DLC1: variants seen among roughly 807,000 people sequenced by gnomAD.
DLC1 encodes the protein DLC1 Rho GTPase activating protein.
DLC1 carries 54 observed loss-of-function variants against 140.3 expected under a neutral mutation model. The ratio of observed to expected loss-of-function variants is 0.38; its 90% CI spans 0.31 to 0.48. The LOEUF (loss-of-function observed/expected upper bound fraction) is 0.48. DLC1 is among the 20% of genes least tolerant of loss of function. The pLI is 0.96. For synonymous variants in DLC1, 986 were observed against 728.1 expected (o/e 1.35, Z -5.70); for missense variants, 2,536 against 1,907.0 (o/e 1.33, Z -6.14).
At chr8:13,537,559 G>C (rs765571497) in intron 1 of DLC1, among the ~76,000 whole-genome samples, 1 of 151,874 alleles carries the variant, frequency 6.6e-6, no homozygotes, top group Non-Finnish European at 1.5e-5. Context: ...TTAGGTAAAG[G>C]ATCAGTGCAG....
At chr8:13,406,335 C>A (rs932017046) in intron 2 of DLC1, among the ~76,000 whole-genome samples, 2 of 151,844 alleles carry the variant, frequency 1.3e-5, no homozygotes, top group Non-Finnish European at 2.9e-5. Flanking sequence ...GTTCTTTAAA[C>A]TTTTATTTAG....
chr8:13,586,944 A>G (rs1198924001), intron 1 of DLC1, among the ~76,000 whole-genome samples: 1 of 152,172 alleles, frequency 6.6e-6, no homozygotes, highest in African/African-American at 2.4e-5. Context: ...CAGGTGCCTC[A>G]ATATAATAAT....
At chr8:13,370,508 C>A (rs1835681045) in intron 4 of DLC1, among the ~76,000 whole-genome samples, 1 of 152,112 alleles carries the variant, frequency 6.6e-6, no homozygotes, top group Non-Finnish European at 1.5e-5. Flanking sequence ...GAGCTCCACA[C>A]AGAGATATTT....
chr8:13,180,996 A>G (rs960740571), intron 5 of DLC1, among the ~76,000 whole-genome samples: 1 of 151,604 alleles, frequency 6.6e-6, no homozygotes, highest in Non-Finnish European at 1.5e-5. Flanking sequence ...TCTGTTGAAG[A>G]TATCTATTTT....
chr8:13,172,946 A>G (rs1375585469), intron 5 of DLC1, among the ~76,000 whole-genome samples: 1 of 152,136 alleles, frequency 6.6e-6, no homozygotes, highest in Non-Finnish European at 1.5e-5. Context: ...ACAGACCCTT[A>G]CTGGGTAACC....
chr8:13,451,471 C>G (rs888506598), intron 2 of DLC1, among the ~76,000 whole-genome samples: 1 of 152,134 alleles, frequency 6.6e-6, no homozygotes, highest in Non-Finnish European at 1.5e-5. Flanking sequence ...CTTATTCATT[C>G]TATTTTTTAT....
At chr8:13,176,106 C>CT (rs1229187408) in intron 5 of DLC1, among the ~76,000 whole-genome samples, 6 of 152,100 alleles carry the variant, frequency 3.9e-5, no homozygotes, top group Non-Finnish European at 8.8e-5. Flanking sequence ...ATATAAACTT[C>CT]TTTTTTTATT....
intron 4 of DLC1, among the ~76,000 whole-genome samples, chr8:13,389,727 C>A (rs986513139): frequency 6.6e-6 from 1 of 151,966 alleles, no homozygotes; most frequent in Non-Finnish European, 1.5e-5. Flanking sequence ...CACTTAGAAA[C>A]CCAGAGACCT....
chr8:13,125,188 G>A (rs550040165), intron 5 of DLC1, among the ~76,000 whole-genome samples: 9 of 152,138 alleles, frequency 5.9e-5, no homozygotes, highest in Non-Finnish European at 1.0e-4. Context: ...TGTTGGCCAG[G>A]CTGGTCTCAA....
Position 13,587,568 on chromosome 8 carries a change from CAG to C in DLC1, c.-126+16967_-126+16968del, listed in dbSNP as rs71519975. Reference sequence around the variant, plus strand: ...ATACACACACACACACACACACACACAGAGAGAGAGAAAATATATATATATAT... The same window carrying C: ...ATACACACACACACACACACACACACAGAGAGAGAAAATATATATATATAT... On this transcript the variant is annotated intron_variant, in intron 1 of 1. Transcript: ENST00000631382. 5.2e-3 allele frequency among the ~76,000 whole-genome samples: 751 copies of C among 144,268 alleles called. 4 individuals carry two copies. Among genetic ancestry groups the C allele is most frequent in the Non-Finnish European group, 6.7e-3 (441 of 66,128 alleles). 94.6% of individuals were successfully genotyped at this position (144,268 alleles called of 152,430 possible). A position where few individuals can be genotyped will look rare whatever the true frequency, so the allele number is the denominator to read the frequency against.
At chr8:13,211,492 C>G (rs945263558) in intron 5 of DLC1, among the ~76,000 whole-genome samples, 3 of 152,200 alleles carry the variant, frequency 2.0e-5, no homozygotes, top group Non-Finnish European at 4.4e-5. Flanking sequence ...GCCAAAAACC[C>G]TCTGAGGCTA....
chr8:13,144,235 G>T (rs1823248202), intron 5 of DLC1, among the ~76,000 whole-genome samples: 1 of 152,176 alleles, frequency 6.6e-6, no homozygotes, highest in Admixed American at 6.5e-5. Context: ...TCACCATCTT[G>T]TCATGTCCTT....
At chr8:13,542,076 G>C (rs996668509) in intron 1 of DLC1, among the ~76,000 whole-genome samples, 3 of 152,134 alleles carry the variant, frequency 2.0e-5, no homozygotes, top group African/African-American at 4.8e-5. Flanking sequence ...TTGCAGTCCA[G>C]TTTAACATTT....
intron 2 of DLC1, among the ~76,000 whole-genome samples, chr8:13,490,874 G>A (rs995613143): frequency 1.3e-5 from 2 of 151,722 alleles, no homozygotes; most frequent in Non-Finnish European, 2.9e-5. Flanking sequence ...TCAAATCACT[G>A]ATTAGATCAG....
intron 1 of DLC1, among the ~76,000 whole-genome samples, chr8:13,537,646 C>G (rs907898847): frequency 2.3e-5 from 3 of 131,142 alleles, no homozygotes; most frequent in Admixed American, 7.9e-5. Flanking sequence ...CAACAGCTAA[C>G]TCTTTTTTTT....
chr8:13,128,294 C>A (rs1183600069), intron 5 of DLC1, among the ~76,000 whole-genome samples: 2 of 152,114 alleles, frequency 1.3e-5, no homozygotes, highest in Non-Finnish European at 2.9e-5. Context: ...ACAGTCAACG[C>A]GGGCCAGAGT....
At chr8:13,171,205 C>T (rs975176250) in intron 5 of DLC1, among the ~76,000 whole-genome samples, 4 of 152,282 alleles carry the variant, frequency 2.6e-5, no homozygotes, top group African/African-American at 9.6e-5. Flanking sequence ...ACTGAATTAA[C>T]GTGTCACGGG....
At chr8:13,191,854 C>G (rs1379602329) in intron 5 of DLC1, among the ~76,000 whole-genome samples, 2 of 151,942 alleles carry the variant, frequency 1.3e-5, no homozygotes, top group African/African-American at 4.8e-5. Flanking sequence ...GTCCTTTCTG[C>G]CTACAGTGCC....
intron 5 of DLC1, among the ~76,000 whole-genome samples, chr8:13,212,209 A>T (rs1827981315): frequency 6.6e-6 from 1 of 152,208 alleles, no homozygotes. Context: ...ATGGCTTTTT[A>T]AAAATATCAG....
Sources: allele counts gnomAD v4.1 joint callset (sites outside exome capture counted in the v4.1 genomes callset), GRCh38; gene constraint gnomAD v4.1.1; transcripts MANE v1.5; gene names NCBI Gene and HGNC (gene_info 2026-07-23, HGNC 2026-07-21).